PTPRH: variants seen among roughly 807,000 people sequenced by gnomAD.
The protein encoded by PTPRH is receptor-type tyrosine-protein phosphatase H.
PTPRH carries 113 observed loss-of-function variants against 130.2 expected under a neutral mutation model. That is an observed-to-expected ratio of 0.87 (90% confidence interval 0.75 to 1.01). PTPRH has a LOEUF of 1.01. Among genes scored for constraint, PTPRH ranks in the 50% least tolerant of loss-of-function variants. PTPRH has a pLI of 0.00. For synonymous variants in PTPRH, 556 were observed against 577.9 expected, an observed-to-expected ratio of 0.96 and a Z score of 0.54; for missense variants, 1,430 against 1,425.0, an observed-to-expected ratio of 1.00 and a Z score of -0.06.
intron 10 of PTPRH, among the ~76,000 whole-genome samples, chr19:55,192,812 A>T (rs145937415): frequency 0.044 from 6,717 of 151,686 alleles, 213 homozygotes; most frequent in Non-Finnish European, 0.067. Context: ...CAGCCTCCCA[A>T]AGTGCTGGGA....
Position 55,182,038 on chromosome 19 carries a change from C to T in PTPRH, c.3176G>A (p.Arg1059Gln), listed in dbSNP as rs145661468. 60 of 1,613,972 alleles carry T rather than the reference C, an allele frequency of 3.7e-5. No homozygotes were observed. The highest frequency in any genetic ancestry group is 3.3e-5 in the Admixed American group (2 of 59,976). ...FSFVRKMRES[R>Q]PLMVQTEAQY... Reference sequence around the variant, plus strand: ...CACCTCAGTCTGCACCATCAACGGCCGACTCTCTCTCATCTTCCTTACAAA... The same window carrying T: ...CACCTCAGTCTGCACCATCAACGGCTGACTCTCTCTCATCTTCCTTACAAA... The change falls in exon 19 of 20, where the codon CGG becomes CAG. Residue 1059 changes from arginine to glutamine, a missense_variant. Physicochemically the swap from Arg to Gln is conservative, Grantham distance 43. Coordinates refer to ENST00000376350, the MANE Select transcript of PTPRH (RefSeq NM_002842.5).
intron 5 of PTPRH, among the ~76,000 whole-genome samples, chr19:55,202,765 G>A (rs539052901): frequency 1.2e-4 from 18 of 152,092 alleles, no homozygotes; most frequent in South Asian, 8.3e-4. Context: ...TCTGCCAGGC[G>A]CAGTGGCTCA....
In PTPRH at chr19:55,207,020, T is replaced by C. The variant is rs747724518; in HGVS notation, c.86-65A>G. ...GGTCAGTACAATCCCTCCCAACCCC[T>C]GAGCTCACGCCCCAAGTCCAGAAAC... On this transcript the variant is annotated intron_variant, in intron 2 of 19. Coordinates refer to ENST00000376350, the MANE Select transcript of PTPRH (RefSeq NM_002842.5). The C allele has an allele frequency of 1.4e-5, 21 of 1,550,688 alleles. No individual in the cohort carries two copies. The East Asian group carries it at 4.5e-4, about 33-fold the overall frequency.
At chr19:55,194,230 G>T in intron 10 of PTPRH, 1 of 1,289,732 alleles carries the variant, frequency 7.8e-7, no homozygotes, top group South Asian at 1.2e-5. Context: ...CTCGTCTTAG[G>T]GTAGGCTCAA....
chr19:55,183,131 C>T (rs942521080), intron 18 of PTPRH, among the ~76,000 whole-genome samples: 1 of 148,558 alleles, frequency 6.7e-6, no homozygotes, highest in Non-Finnish European at 1.5e-5. Context: ...CACAGTGGCT[C>T]ACGCCTGTAA....
At position 55,197,356 on chromosome 19, in the gene PTPRH, C is replaced by T. The variant is rs767725202; in HGVS notation, c.1751G>A (p.Trp584Ter). Residue 584 changes from tryptophan to a stop codon, truncating the protein, a stop_gained, in exon 9 of 20, where the codon TGG becomes TAG. Transcript: ENST00000376350. LOFTEE classifies it high-confidence loss of function. ...ETQTKNSVML[W>*]WKAPGDPHSQ... ...GTGGGGGTCTCCAGGGGCCTTCCACCACAGCATGACTGAGTTCTTAGTCTG... is the reference window on the plus strand; with the variant it reads ...GTGGGGGTCTCCAGGGGCCTTCCACTACAGCATGACTGAGTTCTTAGTCTG... 1.5e-5 allele frequency: 24 copies of T among 1,614,076 alleles called. No individual in the cohort carries two copies. The highest frequency in any genetic ancestry group is 1.9e-5 in the Non-Finnish European group (22 of 1,180,020).
In PTPRH at chr19:55,200,349, G is replaced by A; in HGVS notation, c.1307C>T (p.Thr436Ile). The change falls in exon 7 of 20, where the codon ACA (threonine) becomes ATA (isoleucine). Residue 436 changes from threonine (T) to isoleucine (I), a missense_variant. Transcript: ENST00000376350. ...DGGGTETRNTTNTSVTAERLE... is the reference protein window; with the variant it reads ...DGGGTETRNTINTSVTAERLE... The stretch of plus-strand genomic sequence containing the variant: ...TCTCTCAGCTGTCACACTGGTATTT[G>A]TTGTGTTTCGGGTCTCTGTGCCACC... The A allele has an allele frequency of 1.2e-6, 2 of 1,614,186 alleles. No individual in the cohort carries two copies. The highest frequency in any genetic ancestry group is 1.7e-6 in the Non-Finnish European group (2 of 1,180,030).
Position 55,191,721 on chromosome 19 carries a change from CA to C in PTPRH, c.2277del (p.Phe759LeufsTer14). ...AGGATGAGAAACAGGAGGATGCCCACAAAGGCTCCGGCAATGACCCCTGTGG... is the reference window on the plus strand; with the variant it reads ...AGGATGAGAAACAGGAGGATGCCCACAAGGCTCCGGCAATGACCCCTGTGG... ...TESAGVIAGA[F>X]VGILLFLILV... is the part of the protein sequence containing the mutation. On this transcript the variant is annotated frameshift_variant, in exon 11 of 20. Transcript: ENST00000376350. 1 of 1,614,064 alleles carries C rather than the reference CA, an allele frequency of 6.2e-7. No homozygotes were observed. The highest frequency in any genetic ancestry group is 1.1e-5 in the South Asian group (1 of 91,076).
In PTPRH at chr19:55,202,162, G is replaced by T. The variant is rs760018102; in HGVS notation, c.1047C>A (p.Thr349=). 23 of 1,614,046 alleles carry T rather than the reference G, an allele frequency of 1.4e-5. No individual in the cohort carries two copies. The highest frequency in any genetic ancestry group is 1.9e-5 in the Non-Finnish European group (22 of 1,180,034). ...GRAGTRSTAH[T]NITVDRLEPG... ...GTTCAAGTCTATCCACGGTGATGTT[G>T]GTGTGTGCTGTGCTTCGAGTCCCTG... Residue 349 remains threonine (T), a synonymous_variant, in exon 6 of 20, where the codon ACC becomes ACA. Coordinates refer to ENST00000376350, the MANE Select transcript of PTPRH (RefSeq NM_002842.5).
At chr19:55,205,222 G>A (rs780141167) in intron 4 of PTPRH, 104 bp downstream of exon 4, 16 of 1,530,626 alleles carry the variant, frequency 1.0e-5, no homozygotes, top group Non-Finnish European at 1.4e-5. Context: ...TGAGTACCTG[G>A]CTCAATGTGG....
chr19:55,198,612 A>T, intron 8 of PTPRH, 31 bp downstream of exon 8: 2 of 1,533,030 alleles, frequency 1.3e-6, no homozygotes, highest in Non-Finnish European at 8.8e-7. Flanking sequence ...CCATCCTAAT[A>T]GGGCTGGGTT....
chr19:55,209,281 A>G lies in PTPRH; in HGVS notation c.51+102T>C. 1 of 1,005,258 alleles carries G rather than the reference A, an allele frequency of 9.9e-7. No homozygotes were observed. Among genetic ancestry groups the G allele is most frequent in the South Asian group, 1.4e-5 (1 of 73,004 alleles). 62.3% of individuals were successfully genotyped at this position (1,005,258 alleles called of 1,614,324 possible). A position where few individuals can be genotyped will look rare whatever the true frequency, so the allele number is the denominator to read the frequency against. On this transcript the variant is annotated intron_variant, in intron 1 of 19. Coordinates refer to ENST00000376350, the MANE Select transcript of PTPRH (RefSeq NM_002842.5). The surrounding 1 kb of genome is among the most constrained non-coding windows in gnomAD (Gnocchi z 4.1). The stretch of plus-strand genomic sequence containing the variant: ...CCTCTTCCTTCTCCAGGGGATCTTC[A>G]GCACCTACTTCCTCAAGATCGAGGT...
intron 10 of PTPRH, chr19:55,193,999 C>T: frequency 2.5e-6 from 1 of 399,268 alleles, no homozygotes; most frequent in Non-Finnish European, 4.5e-6. Context: ...CAGACACGCG[C>T]CACCACGCCC....
chr19:55,193,302 A>G (rs921368215), intron 10 of PTPRH, among the ~76,000 whole-genome samples: 1 of 151,676 alleles, frequency 6.6e-6, no homozygotes, highest in South Asian at 2.1e-4. Flanking sequence ...ATGGTAGTAC[A>G]TGCCTGTAGT....
intron 10 of PTPRH, among the ~76,000 whole-genome samples, chr19:55,194,809 A>G (rs561721745): frequency 2.6e-5 from 4 of 152,314 alleles, no homozygotes; most frequent in African/African-American, 9.6e-5. Context: ...AAACCTATCC[A>G]CAAACGTTCC....
In PTPRH at chr19:55,185,904, T is replaced by C. The variant is rs749914274; in HGVS notation, c.2859A>G (p.Glu953=). The C allele has an allele frequency of 3.7e-6, 6 of 1,614,120 alleles. No individual in the cohort carries two copies. The Admixed American group carries it at 6.7e-5, about 18-fold the overall frequency. The change falls in exon 17 of 20, where the codon GAA becomes GAG. Residue 953 remains glutamate, a synonymous_variant. Transcript: ENST00000376350. Reference sequence around the variant, plus strand: ...CCCGCACCGTCCAGTTCTCCATCACTTCCTCACCTACCAGGGTTACCCGCA... The same window carrying C: ...CCCGCACCGTCCAGTTCTCCATCACCTCCTCACCTACCAGGGTTACCCGCA... The part of the protein sequence containing the change: ...GHLRVTLVGE[E]VMENWTVREL...
intron 12 of PTPRH, among the ~76,000 whole-genome samples, chr19:55,189,495 G>C (rs946452122): frequency 2.0e-5 from 3 of 152,086 alleles, no homozygotes; most frequent in Non-Finnish European, 2.9e-5. Context: ...TCCTCACTCT[G>C]CTCAGTCGGA....
At position 55,205,178 on chromosome 19, in the gene PTPRH, T is replaced by G. The variant is rs558266167; in HGVS notation, c.619+148A>C. 5.4e-5 allele frequency: 69 copies of G among 1,269,656 alleles called. No homozygotes were observed. In the Admixed American group the frequency reaches 1.5e-3, roughly 28 times the overall value. The allele number at this position is 1,269,656 out of a possible 1,614,324, so 78.6% of individuals were successfully genotyped here. ...ACCATGGACATTCATTCCTTCTTCA[T>G]CTCCTGAGCTGAGACTGCCCCAGGA... On this transcript the variant is annotated intron_variant, in intron 4 of 19. Transcript: ENST00000376350.
At chr19:55,202,573 A>G (rs1291955155) in intron 5 of PTPRH, among the ~76,000 whole-genome samples, 2 of 151,862 alleles carry the variant, frequency 1.3e-5, no homozygotes, top group East Asian at 3.9e-4. Flanking sequence ...TAAGAATGTC[A>G]ACTATCTGAT....
Sources: allele counts gnomAD v4.1 joint callset (sites outside exome capture counted in the v4.1 genomes callset), GRCh38; gene constraint gnomAD v4.1.1; non-coding constraint Gnocchi (gnomAD v3.1); transcripts MANE v1.5; gene names NCBI Gene and HGNC (gene_info 2026-07-23, HGNC 2026-07-21).